The following CHRNA5 variants were observed in gnomAD, a reference collection of about 807,000 sequenced individuals.
CHRNA5 encodes neuronal acetylcholine receptor subunit alpha-5.
Under a neutral mutation model 41.2 loss-of-function variants are expected in CHRNA5, and 28 were observed. The observed-to-expected ratio is 0.68, with a 90% confidence interval of 0.50 to 0.93. The LOEUF (loss-of-function observed/expected upper bound fraction) is 0.93. CHRNA5 is among the 40% of genes least tolerant of loss of function. The pLI is 0.00. For missense variants in CHRNA5, 481 were observed against 581.9 expected (o/e 0.83, Z 1.78); for synonymous variants, 188 against 205.8 (o/e 0.91, Z 0.74).
Position 78,588,319 on chromosome 15 carries a change from G to C in CHRNA5, c.309G>C (p.Trp103Cys), listed in dbSNP as rs1182689078. Residue 103 changes from tryptophan to cysteine, a missense_variant, in exon 4 of 6, where the codon TGG becomes TGC. Trp to Cys is a radical substitution (Grantham distance 215). Transcript: ENST00000299565. This position sits in a 1 kb window ranked among gnomAD's most constrained non-coding sequence, Gnocchi z 4.1. Reference sequence around the variant, plus strand: ...CAGATTTCTTTGTTTTAAAGGAATGGATAGATGTAAAATTAAGATGGAACC... The same window carrying C: ...CAGATTTCTTTGTTTTAAAGGAATGCATAGATGTAAAATTAAGATGGAACC... The C allele has an allele frequency of 6.5e-7, 1 of 1,534,096 alleles. No individual in the cohort carries two copies. Among genetic ancestry groups the C allele is most frequent in the Non-Finnish European group, 8.9e-7 (1 of 1,120,774 alleles).
chr15:78,580,342 T>TA (rs1398794758), intron 1 of CHRNA5, among the ~76,000 whole-genome samples: 4 of 149,274 alleles, frequency 2.7e-5, no homozygotes, highest in African/African-American at 9.9e-5. Context: ...TTATAATTGA[T>TA]AAATGAGCTT....
exon 6 of CHRNA5, chr15:78,594,759 CTG>C (rs1240011983): frequency 2.6e-5 from 4 of 152,222 alleles, no homozygotes; most frequent in African/African-American, 9.7e-5. Context: ...TATATGCACA[CTG>C]TTATATACCT....
intron 2 of CHRNA5, among the ~76,000 whole-genome samples, chr15:78,583,192 G>C (rs1187930280): frequency 6.6e-6 from 1 of 152,142 alleles, no homozygotes; most frequent in African/African-American, 2.4e-5. Context: ...TGAGAGACCT[G>C]ATAGGCAACA....
chr15:78,576,560 T>C (rs2052858827), intron 1 of CHRNA5, among the ~76,000 whole-genome samples: 1 of 152,140 alleles, frequency 6.6e-6, no homozygotes, highest in Admixed American at 6.5e-5. Context: ...GGTGGGAGGA[T>C]TGCTTGAGCC....
chr15:78,588,312 AGGAAT>A lies in CHRNA5; in HGVS notation c.306_310del (p.Glu102AspfsTer10), dbSNP rs745811241. 9 of 1,474,444 alleles carry A rather than the reference AGGAAT, an allele frequency of 6.1e-6. No homozygotes were observed. In the South Asian group the frequency reaches 1.1e-4, roughly 19 times the overall value. 91.3% of individuals were successfully genotyped at this position (1,474,444 alleles called of 1,614,324 possible). On this transcript the variant is annotated splice_acceptor_variant and coding_sequence_variant, in exon 4 of 6. Coordinates refer to ENST00000299565, the Ensembl canonical transcript of CHRNA5. LOFTEE classifies it high-confidence loss of function. The surrounding 1 kb of genome is among the most constrained non-coding windows in gnomAD (Gnocchi z 4.1). ...ATTGAGGCAGATTTCTTTGTTTTAAAGGAATGGATAGATGTAAAATTAAGATGGAA... is the reference window on the plus strand; with the variant it reads ...ATTGAGGCAGATTTCTTTGTTTTAAAGGATAGATGTAAAATTAAGATGGAA...
At chr15:78,594,575 G>A (rs1441981001) in exon 6 of CHRNA5, 1 of 152,316 alleles carries the variant, frequency 6.6e-6, no homozygotes, top group Non-Finnish European at 1.5e-5. Context: ...CTACTCAAGA[G>A]GCTGAGGCAG....
intron 1 of CHRNA5, among the ~76,000 whole-genome samples, chr15:78,579,334 A>C (rs1596059651): frequency 6.6e-6 from 1 of 152,050 alleles, no homozygotes; most frequent in South Asian, 2.1e-4. Context: ...GCTCACTGCA[A>C]CCTCTGTCTC....
intron 4 of CHRNA5, chr15:78,589,452 AG>A (rs1479015369): frequency 5.5e-6 from 1 of 183,456 alleles, no homozygotes; most frequent in Non-Finnish European, 1.1e-5. Context: ...GGAGTCTAGG[AG>A]TGTGGATTCA....
intron 1 of CHRNA5, among the ~76,000 whole-genome samples, chr15:78,580,014 T>A (rs2052895965): frequency 6.6e-6 from 1 of 152,132 alleles, no homozygotes. Context: ...GCACAGTGGC[T>A]CACAGCTGTG....
chr15:78,593,365 A>G (rs1193122391), exon 6 of CHRNA5: 1 of 1,084,752 alleles, frequency 9.2e-7, no homozygotes, highest in African/African-American at 1.6e-5. Context: ...GCTTTAACAG[A>G]CTAAGTTGCT....
At chr15:78,577,876 A>G (rs2052872596) in intron 1 of CHRNA5, among the ~76,000 whole-genome samples, 1 of 149,268 alleles carries the variant, frequency 6.7e-6, no homozygotes, top group Non-Finnish European at 1.5e-5. Flanking sequence ...GGCTGCAGTG[A>G]GCCAAGATTG....
intron 2 of CHRNA5, among the ~76,000 whole-genome samples, chr15:78,584,599 G>A (rs1322435733): frequency 2.0e-5 from 3 of 152,220 alleles, no homozygotes; most frequent in Non-Finnish European, 4.4e-5. Context: ...TCTTTTATCT[G>A]TGTTATTGTT....
chr15:78,582,044 A>G (rs2052917330), intron 2 of CHRNA5, among the ~76,000 whole-genome samples: 1 of 152,260 alleles, frequency 6.6e-6, no homozygotes, highest in African/African-American at 2.4e-5. Context: ...AAAGGCAGTT[A>G]GTGAACCAAA....
intron 1 of CHRNA5, 84 bp downstream of exon 1, chr15:78,565,909 G>C: frequency 1.2e-6 from 1 of 830,268 alleles, no homozygotes; most frequent in African/African-American, 1.8e-5. Context: ...GGCGACGGCC[G>C]CCGGAAAACC....
intron 1 of CHRNA5, among the ~76,000 whole-genome samples, chr15:78,580,019 G>C (rs914398985): frequency 3.9e-5 from 6 of 151,970 alleles, no homozygotes; most frequent in African/African-American, 1.4e-4. Flanking sequence ...GTGGCTCACA[G>C]CTGTGATCCC....
chr15:78,595,233 GTTAC>G (rs1234516445), exon 6 of CHRNA5: 6 of 944,032 alleles, frequency 6.4e-6, no homozygotes, highest in Non-Finnish European at 6.3e-6. Flanking sequence ...TACCATTACT[GTTAC>G]TTATGATTTT....
intron 5 of CHRNA5, among the ~76,000 whole-genome samples, chr15:78,591,888 GA>G: frequency 6.6e-6 from 1 of 152,306 alleles, no homozygotes; most frequent in Middle Eastern, 3.4e-3. Flanking sequence ...GCTATCATTG[GA>G]GTTTTTAAAA....
rs749045535 is a variant in CHRNA5 at position 78,586,634 on chromosome 15, AT to A, written c.259-5del. The A allele has an allele frequency of 6.6e-7, 1 of 1,506,070 alleles. No homozygotes were observed. Among genetic ancestry groups the A allele is most frequent in the Non-Finnish European group, 9.1e-7 (1 of 1,100,526 alleles). The allele number at this position is 1,506,070 out of a possible 1,614,324, so 93.3% of individuals were successfully genotyped here. ...TGAAATCAATCTTATTTAAATTTTT[AT>A]TTTTTAAAGGATGAGAAAAATCAGT... On this transcript the variant is annotated splice_polypyrimidine_tract_variant and intron_variant, in intron 2 of 5. Coordinates refer to ENST00000299565, the Ensembl canonical transcript of CHRNA5.
chr15:78,593,450 A>C (rs200202015), exon 6 of CHRNA5: 3 of 438,186 alleles, frequency 6.8e-6, no homozygotes, highest in African/African-American at 6.1e-5. Context: ...GATGAGATAC[A>C]TTTGATCTTG....
Sources: allele counts gnomAD v4.1 joint callset (sites outside exome capture counted in the v4.1 genomes callset), GRCh38; gene constraint gnomAD v4.1.1; non-coding constraint Gnocchi (gnomAD v3.1); transcripts MANE v1.5; gene names NCBI Gene and HGNC (gene_info 2026-07-23, HGNC 2026-07-21).